Variants in ELMOD2 observed in about 807,000 individuals in gnomAD.
The protein encoded by ELMOD2 is ELMO domain-containing protein 2.
Under a neutral mutation model 41.0 loss-of-function variants are expected in ELMOD2, and 28 were observed. The observed-to-expected ratio is 0.68, with a 90% CI of 0.51 to 0.94. The LOEUF (loss-of-function observed/expected upper bound fraction) is 0.94. Ranked by LOEUF, ELMOD2 falls within the 40% of genes least tolerant of loss-of-function variation. The probability of loss-of-function intolerance (pLI) is 0.00; values close to 1 mark genes in which losing one functional copy is unlikely to be tolerated. For missense variants in ELMOD2, 333 were observed against 343.1 expected (o/e 0.97, Z 0.23); for synonymous variants, 106 against 107.2 (o/e 0.99, Z 0.07).
At position 140,552,143 on chromosome 4, in the gene ELMOD2, G is replaced by A. The variant is rs999210064; in HGVS notation, c.*1768G>A. On this transcript the variant is annotated 3_prime_UTR_variant, in exon 9 of 9. Transcript: ENST00000323570. ...TAACTATTACATGGAAAGCAATTCT[G>A]TTCATCTTTTGATGTTTGTGTTGAA... 6.6e-6 allele frequency: 1 copy of A among 151,928 alleles called. No homozygotes were observed. Among genetic ancestry groups the A allele is most frequent in the Non-Finnish European group, 1.5e-5 (1 of 67,894 alleles). 9.4% of individuals were successfully genotyped at this position (151,928 alleles called of 1,614,324 possible).
At position 140,537,489 on chromosome 4, in the gene ELMOD2, G is replaced by A; in HGVS notation, c.347G>A (p.Arg116Lys). The change falls in exon 5 of 9, where the codon AGG becomes AAG. Residue 116 changes from arginine to lysine, a missense_variant. Transcript: ENST00000323570. ...CTGTATTTGGATGTAGAAAGTGTGA[G>A]GAAAAGGCCATATGATTCTGATAAC... ...KQLYLDVESV[R>K]KRPYDSDNLQ... 1 of 1,590,422 alleles carries A rather than the reference G, an allele frequency of 6.3e-7. No homozygotes were observed. Among genetic ancestry groups the A allele is most frequent in the Non-Finnish European group, 8.5e-7 (1 of 1,170,388 alleles).
At chr4:140,524,638 C>T in intron 1 of ELMOD2, 3 of 985,456 alleles carry the variant, frequency 3.0e-6, no homozygotes, top group Non-Finnish European at 3.6e-6. Flanking sequence ...CTTCGACAGT[C>T]CCTCCTCAGG....
intron 1 of ELMOD2, 142 bp downstream of exon 1, chr4:140,524,422 C>T (rs1368175603): frequency 9.4e-6 from 2 of 212,396 alleles, no homozygotes; most frequent in Non-Finnish European, 1.6e-5. Context: ...CCTGCCCTCC[C>T]ATTCGCGGGC....
rs1411365499 is a variant in ELMOD2, at chr4:140,553,255, A to G, written c.*2880A>G. ...AGAACAGAAAAGGTTACACATGATC[A>G]TGGCACAGAAGATAGGAGGTTTGAC... On this transcript the variant is annotated 3_prime_UTR_variant, in exon 9 of 9. Transcript: ENST00000323570. 2 of 152,126 alleles carry G rather than the reference A, an allele frequency of 1.3e-5. No individual in the cohort carries two copies. Among genetic ancestry groups the G allele is most frequent in the African/African-American group, 2.4e-5 (1 of 41,448 alleles). The allele number at this position is 152,126 out of a possible 1,614,324, so 9.4% of individuals were successfully genotyped here.
intron 4 of ELMOD2, among the ~76,000 whole-genome samples, chr4:140,536,488 A>G (rs1734931418): frequency 6.6e-6 from 1 of 152,180 alleles, no homozygotes; most frequent in South Asian, 2.1e-4. Flanking sequence ...ACCTTGATGA[A>G]TGGGTAGGGG....
At position 140,544,742 on chromosome 4, in the gene ELMOD2, C is replaced by T. The variant is rs1292412753; in HGVS notation, c.736+1156C>T. Among the ~76,000 whole-genome samples the T allele has an allele frequency of 2.6e-5, 4 of 152,148 alleles. No individual in the cohort carries two copies. The East Asian group carries it at 7.7e-4, about 29-fold the overall frequency. ...ATTATGCTCTCTCTTGACTCTGTGC[C>T]TTTGCAAGTGACATTCACTTGGCCT... On this transcript the variant is annotated intron_variant, in intron 8 of 8. Coordinates refer to ENST00000323570, the MANE Select transcript of ELMOD2 (RefSeq NM_153702.4).
chr4:140,536,450 T>G (rs930463957), intron 4 of ELMOD2, among the ~76,000 whole-genome samples: 9 of 152,126 alleles, frequency 5.9e-5, no homozygotes, highest in Non-Finnish European at 1.3e-4. Flanking sequence ...TGAGGATAGT[T>G]CCACCCAAGA....
At chr4:140,529,464 A>G (rs1734671519) in intron 3 of ELMOD2, among the ~76,000 whole-genome samples, 1 of 152,130 alleles carries the variant, frequency 6.6e-6, no homozygotes, top group Admixed American at 6.5e-5. Context: ...GCTTCCAACC[A>G]ATTTTTTCAG....
In ELMOD2 at chr4:140,551,071, A is replaced by T. The variant is rs886125502; in HGVS notation, c.*696A>T. On this transcript the variant is annotated 3_prime_UTR_variant, in exon 9 of 9. Transcript: ENST00000323570. Reference sequence around the variant, plus strand: ...TTTGAAAGCTTAAAGGCATTTTCTCATCTTCAGTATTTGCTTTTTATCAGT... The same window carrying T: ...TTTGAAAGCTTAAAGGCATTTTCTCTTCTTCAGTATTTGCTTTTTATCAGT... 2.6e-5 allele frequency: 4 copies of T among 152,130 alleles called. No homozygotes were observed. The highest frequency in any genetic ancestry group is 9.7e-5 in the African/African-American group (4 of 41,440). 9.4% of individuals were successfully genotyped at this position (152,130 alleles called of 1,614,324 possible).
At chr4:140,532,960 T>C (rs77950650) in intron 3 of ELMOD2, among the ~76,000 whole-genome samples, 3 of 152,278 alleles carry the variant, frequency 2.0e-5, no homozygotes, top group Non-Finnish European at 4.4e-5. Context: ...CAACAAACTT[T>C]TGGAAAATAA....
intron 1 of ELMOD2, 136 bp from the exon 2 acceptor site, chr4:140,525,284 C>A: frequency 2.2e-6 from 2 of 908,820 alleles, no homozygotes; most frequent in Non-Finnish European, 3.3e-6. Context: ...TTTTTAAATG[C>A]CTAATTAAAC....
chr4:140,549,646 A>G (rs1201057068), intron 8 of ELMOD2, among the ~76,000 whole-genome samples: 4 of 144,110 alleles, frequency 2.8e-5, no homozygotes, highest in Non-Finnish European at 4.6e-5. Flanking sequence ...TTTCTCGGGA[A>G]ACTTTTCTCA....
At chr4:140,537,162 A>G (rs1376510580) in intron 4 of ELMOD2, among the ~76,000 whole-genome samples, 2 of 152,180 alleles carry the variant, frequency 1.3e-5, no homozygotes, top group African/African-American at 4.8e-5. Flanking sequence ...GAAAACATGA[A>G]GAGAAAATCC....
intron 3 of ELMOD2, among the ~76,000 whole-genome samples, chr4:140,535,260 C>G (rs535561658): frequency 1.3e-5 from 2 of 150,882 alleles, no homozygotes; most frequent in Admixed American, 6.6e-5. Context: ...GTGAACTGTT[C>G]TTCAGTATGC....
Position 140,524,206 on chromosome 4 carries a change from G to GT in ELMOD2, c.-81dup, listed in dbSNP as rs1734470545. ...CGGTGCTTGAAGGGAGTGTTCCGTC[G>GT]TTTCCGTTGCCGGCTGTTTGCAGTG... On this transcript the variant is annotated 5_prime_UTR_variant, in exon 1 of 9. Transcript: ENST00000323570. The GT allele has an allele frequency of 1.3e-5, 2 of 152,324 alleles. No homozygotes were observed. The highest frequency in any genetic ancestry group is 4.8e-5 in the African/African-American group (2 of 41,458). The allele number at this position is 152,324 out of a possible 1,614,324, so 9.4% of individuals were successfully genotyped here.
chr4:140,525,287 A>G (rs1054504622), intron 1 of ELMOD2, 133 bp from the exon 2 acceptor site: 14 of 961,092 alleles, frequency 1.5e-5, no homozygotes, highest in Non-Finnish European at 2.0e-5. Flanking sequence ...TTAAATGCCT[A>G]ATTAAACTGT....
At chr4:140,542,344 ATACTT>A (rs1735132982) in intron 6 of ELMOD2, 1 of 319,796 alleles carries the variant, frequency 3.1e-6, no homozygotes, top group Non-Finnish European at 5.6e-6. Context: ...ATTTATTAAA[ATACTT>A]TACAGTCTTG....
chr4:140,524,864 A>C (rs1734505946), intron 1 of ELMOD2: 1 of 154,986 alleles, frequency 6.5e-6, no homozygotes, highest in African/African-American at 2.4e-5. Flanking sequence ...TTGAATGGAA[A>C]ATCAAGAATG....
rs772840246 is a variant in ELMOD2 at position 140,553,621 on chromosome 4, G to C, written c.*3246G>C. On this transcript the variant is annotated 3_prime_UTR_variant, in exon 9 of 9. Coordinates refer to ENST00000323570, the MANE Select transcript of ELMOD2 (RefSeq NM_153702.4). ...TTAAAGTATTCAAGTAGCTTTCTCT[G>C]GGGGAAAAAGTACCACTTGGACACT... is the stretch of plus-strand genomic sequence containing the variant. 5 of 151,988 alleles carry C rather than the reference G, an allele frequency of 3.3e-5. No homozygotes were observed. The highest frequency in any genetic ancestry group is 4.8e-5 in the African/African-American group (2 of 41,390). 9.4% of individuals were successfully genotyped at this position (151,988 alleles called of 1,614,324 possible).
Sources: allele counts gnomAD v4.1 joint callset (sites outside exome capture counted in the v4.1 genomes callset), GRCh38; gene constraint gnomAD v4.1.1; transcripts MANE v1.5; gene names NCBI Gene and HGNC (gene_info 2026-07-23, HGNC 2026-07-21).